ESR1: variants seen among roughly 807,000 people sequenced by gnomAD.
ESR1 encodes the protein estrogen receptor 1, also known as estrogen receptor.
ESR1 carries 12 observed loss-of-function variants against 52.7 expected under a neutral mutation model. The ratio of observed to expected loss-of-function variants is 0.23; its 90% CI spans 0.15 to 0.37. The LOEUF is 0.37. ESR1 is among the 10% of genes least tolerant of loss of function. ESR1 has a pLI of 1.00. For synonymous variants in ESR1, 305 were observed against 316.8 expected, an observed-to-expected ratio of 0.96 and a Z score of 0.39; for missense variants, 584 against 779.7, an observed-to-expected ratio of 0.75 and a Z score of 2.99.
intron 3 of ESR1, among the ~76,000 whole-genome samples, chr6:151,914,258 A>T (rs941003981): frequency 8.6e-4 from 33 of 38,450 alleles, no homozygotes; most frequent in Non-Finnish European, 2.2e-3. Context: ...TTTTTCATTA[A>T]AAAAAAAAAG....
chr6:152,059,261 A>G (rs1358347715), intron 5 of ESR1, among the ~76,000 whole-genome samples: 3 of 152,048 alleles, frequency 2.0e-5, no homozygotes, highest in African/African-American at 7.2e-5. Context: ...GAAGTATACT[A>G]GAAGGAAATA....
intron 6 of ESR1, among the ~76,000 whole-genome samples, chr6:152,091,847 G>A (rs1157344704): frequency 6.6e-6 from 1 of 152,150 alleles, no homozygotes; most frequent in Non-Finnish European, 1.5e-5. Context: ...AACAAGAAAG[G>A]GATTATTGGT....
chr6:151,948,717 G>T (rs1177141250), intron 4 of ESR1, among the ~76,000 whole-genome samples: 2 of 152,058 alleles, frequency 1.3e-5, no homozygotes, highest in African/African-American at 2.4e-5. Context: ...TGGCCCCAGG[G>T]GTAGGCAATC....
At chr6:151,692,393 C>T (rs1779015300) in intron 1 of ESR1, among the ~76,000 whole-genome samples, 1 of 152,126 alleles carries the variant, frequency 6.6e-6, no homozygotes, top group Non-Finnish European at 1.5e-5. Context: ...GGGCTGACGG[C>T]CTGGTGGTTG....
intron 2 of ESR1, among the ~76,000 whole-genome samples, chr6:151,874,609 A>G (rs1791505680): frequency 6.6e-6 from 1 of 152,208 alleles, no homozygotes; most frequent in Non-Finnish European, 1.5e-5. Flanking sequence ...TTAATATTCA[A>G]CTGTTAAGCC....
At chr6:151,869,722 C>G (rs1790612368) in intron 2 of ESR1, among the ~76,000 whole-genome samples, 1 of 152,074 alleles carries the variant, frequency 6.6e-6, no homozygotes, top group Admixed American at 6.6e-5. Context: ...AAGAAACTTT[C>G]CAGGACAAAT....
intron 6 of ESR1, among the ~76,000 whole-genome samples, chr6:152,081,062 T>A (rs761748373): frequency 5.3e-5 from 8 of 152,010 alleles, no homozygotes; most frequent in Non-Finnish European, 1.2e-4. Context: ...ATTAAACAGA[T>A]CAACAAGACA....
intron 2 of ESR1, among the ~76,000 whole-genome samples, chr6:151,703,159 T>G (rs1779925201): frequency 6.6e-6 from 1 of 152,180 alleles, no homozygotes. Flanking sequence ...ACTGGCCTGT[T>G]TGGTGAAGTA....
At chr6:151,724,119 G>A (rs1440643668) in intron 2 of ESR1, among the ~76,000 whole-genome samples, 1 of 152,098 alleles carries the variant, frequency 6.6e-6, no homozygotes, top group Admixed American at 6.5e-5. Context: ...ACCCCAGATA[G>A]GCTTGGGATC....
intron 2 of ESR1, among the ~76,000 whole-genome samples, chr6:151,713,197 T>A (rs1780758650): frequency 1.3e-5 from 2 of 152,152 alleles, no homozygotes; most frequent in African/African-American, 4.8e-5. Flanking sequence ...CTGACTTGAT[T>A]GTGGTGGACA....
At chr6:152,011,869 A>G (rs993447372) in intron 5 of ESR1, 75 bp downstream of exon 5, 2 of 1,515,526 alleles carry the variant, frequency 1.3e-6, no homozygotes. Context: ...TATTTTATTC[A>G]TCTCTCGGTG....
chr6:151,948,274 G>C (rs1233529561), intron 4 of ESR1, among the ~76,000 whole-genome samples: 1 of 152,034 alleles, frequency 6.6e-6, no homozygotes, highest in Non-Finnish European at 1.5e-5. Flanking sequence ...TGAAAGTTAA[G>C]CCCTTTCCAA....
intron 1 of ESR1, among the ~76,000 whole-genome samples, chr6:151,666,309 C>T (rs531537719): frequency 6.6e-6 from 1 of 152,270 alleles, no homozygotes; most frequent in South Asian, 2.1e-4. Flanking sequence ...GAGAGAGAGA[C>T]ACACGCACTT....
intron 1 of ESR1, among the ~76,000 whole-genome samples, chr6:151,682,768 G>GTT (rs1778507187): frequency 6.6e-6 from 1 of 152,134 alleles, no homozygotes. Context: ...TCAGAAAAAT[G>GTT]CACATATTCT....
chr6:151,779,754 G>A (rs1318481807), intron 2 of ESR1, among the ~76,000 whole-genome samples: 6 of 151,856 alleles, frequency 4.0e-5, no homozygotes, highest in African/African-American at 7.3e-5. Flanking sequence ...ATTCACAATA[G>A]CAAAGACTTG....
At chr6:151,942,089 G>A (rs1274333003) in intron 3 of ESR1, among the ~76,000 whole-genome samples, 1 of 152,212 alleles carries the variant, frequency 6.6e-6, no homozygotes, top group Admixed American at 6.5e-5. Flanking sequence ...TGAGAGTAGA[G>A]TGGACATAGC....
At chr6:151,778,824 A>G (rs1583245613) in intron 2 of ESR1, among the ~76,000 whole-genome samples, 1 of 152,234 alleles carries the variant, frequency 6.6e-6, no homozygotes, top group East Asian at 1.9e-4. Flanking sequence ...TAAAAAAGAT[A>G]CTTTTTTTGC....
At chr6:151,784,414 A>G (rs929456793) in intron 2 of ESR1, among the ~76,000 whole-genome samples, 7 of 152,224 alleles carry the variant, frequency 4.6e-5, no homozygotes, top group African/African-American at 1.4e-4. Context: ...TAGAGAAGAT[A>G]TGTTTTTAAA....
At chr6:152,059,635 A>T (rs1585051878) in intron 5 of ESR1, among the ~76,000 whole-genome samples, 2 of 152,308 alleles carry the variant, frequency 1.3e-5, no homozygotes, top group South Asian at 2.1e-4. Context: ...AGTCTATTGT[A>T]CAAGCTATTT....
Sources: gnomAD v4.1 joint callset for allele counts (sites outside exome capture counted in the v4.1 genomes callset) on GRCh38, gnomAD v4.1.1 for gene constraint, MANE v1.5 for transcripts, NCBI Gene and HGNC (gene_info 2026-07-23, HGNC 2026-07-21) for gene names.